Variants in KCNH6 observed in about 807,000 individuals in gnomAD.
KCNH6 encodes the protein potassium voltage-gated channel subfamily H member 6.
Under a neutral mutation model 83.4 loss-of-function variants are expected in KCNH6, and 81 were observed. That is an observed-to-expected ratio of 0.97 (90% CI 0.81 to 1.17). The LOEUF (loss-of-function observed/expected upper bound fraction) is 1.17. KCNH6 is among the 50% of genes most tolerant of loss of function. The pLI is 0.00. For missense variants in KCNH6, 1,203 were observed against 1,290.5 expected (o/e 0.93, Z 1.04); for synonymous variants, 503 against 545.6 (o/e 0.92, Z 1.09).
chr17:63,540,210 G>A (rs1354170310), intron 8 of KCNH6, among the ~76,000 whole-genome samples: 1 of 152,046 alleles, frequency 6.6e-6, no homozygotes, highest in Non-Finnish European at 1.5e-5. Context: ...CGAGGTGGGT[G>A]ATCACAAGGT....
chr17:63,527,532 A>C (rs1251880724), intron 2 of KCNH6, among the ~76,000 whole-genome samples: 1 of 152,090 alleles, frequency 6.6e-6, no homozygotes, highest in Non-Finnish European at 1.5e-5. Context: ...AAAAGTAAGA[A>C]CCTAGCATAT....
intron 9 of KCNH6, among the ~76,000 whole-genome samples, chr17:63,543,213 G>A (rs1352376510): frequency 6.6e-6 from 1 of 152,142 alleles, no homozygotes; most frequent in Non-Finnish European, 1.5e-5. Context: ...AGCTTCCTGA[G>A]CATAGAGCTG....
At chr17:63,531,848 T>C (rs759401849) in intron 4 of KCNH6, among the ~76,000 whole-genome samples, 2 of 152,170 alleles carry the variant, frequency 1.3e-5, no homozygotes, top group African/African-American at 2.4e-5. Flanking sequence ...TACCCGTTTG[T>C]TCCTCAGCTT....
chr17:63,545,069 G>C lies in KCNH6; in HGVS notation c.2397-9G>C. 6.2e-7 allele frequency: 1 copy of C among 1,611,540 alleles called. No homozygotes were observed. Among genetic ancestry groups the C allele is most frequent in the Non-Finnish European group, 8.5e-7 (1 of 1,179,946 alleles). Reference sequence around the variant, plus strand: ...GCCCTGACCCTGACTGTGGGGTTCTGTCTGGCAGGCTGGAGTCCCGCGTGT... The same window carrying C: ...GCCCTGACCCTGACTGTGGGGTTCTCTCTGGCAGGCTGGAGTCCCGCGTGT... On this transcript the variant is annotated splice_polypyrimidine_tract_variant and intron_variant, in intron 11 of 12. Coordinates refer to ENST00000314672, the MANE Select transcript of KCNH6 (RefSeq NM_001278919.2).
chr17:63,545,881 T>C lies in KCNH6; in HGVS notation c.2856T>C (p.Phe952=). 6.2e-7 allele frequency: 1 copy of C among 1,613,920 alleles called. No individual in the cohort carries two copies. Among genetic ancestry groups the C allele is most frequent in the Non-Finnish European group, 8.5e-7 (1 of 1,179,970 alleles). The change falls in exon 13 of 13, where the codon TTT becomes TTC. Residue 952 remains phenylalanine, a synonymous_variant. Transcript: ENST00000314672. ...DFQRHGSDPG[F]AGSWGH is the part of the protein sequence containing the mutation. ...AGAGACATGGCTCAGATCCTGGATT[T>C]GCAGGGAGTTGGGGCCACTGAACTC...
In KCNH6 at chr17:63,542,253, T is replaced by C. The variant is rs1286153302; in HGVS notation, c.1967T>C (p.Ile656Thr). The change falls in exon 9 of 13, where the codon ATC (isoleucine) becomes ACC (threonine). Residue 656 changes from isoleucine to threonine, a missense_variant. Physicochemically the swap from Ile to Thr is moderately conservative, Grantham distance 89 (BLOSUM62 -1). Transcript: ENST00000314672. ...VVVAILGKND[I>T]FGEPVSLHAQ... The stretch of plus-strand genomic sequence containing the variant: ...CTCTGGCTGGCAGGAAAGAATGACA[T>C]CTTTGGGGAACCCGTCAGCCTCCAT... The C allele has an allele frequency of 1.2e-6, 2 of 1,613,728 alleles. No homozygotes were observed.
Position 63,538,056 on chromosome 17 carries a change from C to T in KCNH6, c.1502-9C>T, listed in dbSNP as rs1218529222. 1.9e-6 allele frequency: 3 copies of T among 1,611,702 alleles called. No homozygotes were observed. The highest frequency in any genetic ancestry group is 1.3e-5 in the African/African-American group (1 of 75,004). On this transcript the variant is annotated splice_polypyrimidine_tract_variant and intron_variant, in intron 6 of 12. Transcript: ENST00000314672. This position sits in a 1 kb window ranked among gnomAD's most constrained non-coding sequence, Gnocchi z 4.0. ...CCGCGGAGGAGCTCACTCTCCGCCC[C>T]GCCCCCAGCCCTGATGTACGCCAGC...
Position 63,545,707 on chromosome 17 carries a change from A to G in KCNH6, c.2682A>G (p.Ala894=), listed in dbSNP as rs763160143. The change falls in exon 13 of 13, where the codon GCA becomes GCG. Residue 894 remains alanine, a synonymous_variant. Coordinates refer to ENST00000314672, the MANE Select transcript of KCNH6 (RefSeq NM_001278919.2). ...HLAVATDKTL[A]PSSEQEQPEG... ...CTGTGGCAACGGACAAAACTCTGGC[A>G]CCATCCTCAGAACAGGAACAGCCTG... 6.2e-7 allele frequency: 1 copy of G among 1,614,024 alleles called. No homozygotes were observed. The highest frequency in any genetic ancestry group is 8.5e-7 in the Non-Finnish European group (1 of 1,179,956).
chr17:63,545,920 C>G lies in KCNH6; in HGVS notation c.*18C>G. The G allele has an allele frequency of 1.2e-6, 2 of 1,609,920 alleles. No individual in the cohort carries two copies. Among genetic ancestry groups the G allele is most frequent in the Non-Finnish European group, 1.7e-6 (2 of 1,177,410 alleles). ...GCCACTGAACTCCAAGATAAAGACA[C>G]CATGAGGGGACTGAAGGTGGGCAAG... On this transcript the variant is annotated 3_prime_UTR_variant, in exon 13 of 13. Transcript: ENST00000314672.
In KCNH6 at chr17:63,538,373, G is replaced by T; in HGVS notation, c.1702-37G>T. On this transcript the variant is annotated intron_variant, in intron 7 of 12. Coordinates refer to ENST00000314672, the MANE Select transcript of KCNH6 (RefSeq NM_001278919.2). This position sits in a 1 kb window ranked among gnomAD's most constrained non-coding sequence, Gnocchi z 4.0. ...CCACCCTCTCCCCCAGCCCCACCCC[G>T]GCCGCGTCCCGCTGGACTTGGCCGC... The T allele has an allele frequency of 6.3e-7, 1 of 1,588,170 alleles. No individual in the cohort carries two copies. The highest frequency in any genetic ancestry group is 8.6e-7 in the Non-Finnish European group (1 of 1,167,762).
chr17:63,536,123 A>T, intron 6 of KCNH6, 55 bp downstream of exon 6: 1 of 1,498,042 alleles, frequency 6.7e-7, no homozygotes, highest in African/African-American at 1.4e-5. Flanking sequence ...TACCCGTGAA[A>T]TTTTATGTGT....
intron 12 of KCNH6, 49 bp downstream of exon 12, chr17:63,545,313 C>T (rs748953655): frequency 5.1e-6 from 8 of 1,573,860 alleles, no homozygotes; most frequent in Non-Finnish European, 7.0e-6. Flanking sequence ...CAGCTGCATG[C>T]CTTCCCTACC....
Position 63,533,876 on chromosome 17 carries a change from C to G in KCNH6, c.676-10C>G. On this transcript the variant is annotated splice_polypyrimidine_tract_variant and intron_variant, in intron 4 of 12. Coordinates refer to ENST00000314672, the MANE Select transcript of KCNH6 (RefSeq NM_001278919.2). This position sits in a 1 kb window ranked among gnomAD's most constrained non-coding sequence, Gnocchi z 4.1. ...CCCCGTGCCTGACCTCCCTCGGCCC[C>G]CACCCCCAGGTCCTGTCCCTGGGCG... The G allele has an allele frequency of 6.2e-7, 1 of 1,608,472 alleles. No individual in the cohort carries two copies. Among genetic ancestry groups the G allele is most frequent in the African/African-American group, 1.3e-5 (1 of 74,958 alleles).
Position 63,545,942 on chromosome 17 carries a change from CA to C in KCNH6, c.*42del, listed in dbSNP as rs2033127827. On this transcript the variant is annotated 3_prime_UTR_variant, in exon 13 of 13. Coordinates refer to ENST00000314672, the MANE Select transcript of KCNH6 (RefSeq NM_001278919.2). ...ACACCATGAGGGGACTGAAGGTGGG[CA>C]AGGTGAGAGTTAAGGATCTTGGGGA... 11 of 1,592,058 alleles carry C rather than the reference CA, an allele frequency of 6.9e-6. 1 individual carries two copies. The highest frequency in any genetic ancestry group is 1.7e-5 in the Admixed American group (1 of 59,270).
In KCNH6 at chr17:63,533,737, C is replaced by A; in HGVS notation, c.676-149C>A. The A allele has an allele frequency of 1.5e-6, 1 of 648,688 alleles. No individual in the cohort carries two copies. Among genetic ancestry groups the A allele is most frequent in the Non-Finnish European group, 2.7e-6 (1 of 375,914 alleles). The allele number at this position is 648,688 out of a possible 1,614,324, so 40.2% of individuals were successfully genotyped here. A position where few individuals can be genotyped will look rare whatever the true frequency, so the allele number is the denominator to read the frequency against. ...AGGAACTTGCCTTCTCAGACACCCC[C>A]CACCCCATCTCTCCCTCATCCCCTC... On this transcript the variant is annotated intron_variant, in intron 4 of 12. Transcript: ENST00000314672. The surrounding 1 kb of genome is among the most constrained non-coding windows in gnomAD (Gnocchi z 4.1).
rs372249792 is a variant in KCNH6 at position 63,544,395 on chromosome 17, C to T, written c.2380C>T (p.Gln794Ter). The T allele has an allele frequency of 6.3e-7, 1 of 1,586,144 alleles. No homozygotes were observed. Among genetic ancestry groups the T allele is most frequent in the Non-Finnish European group, 8.6e-7 (1 of 1,167,486 alleles). ...GCTGGGCTCCAGGCTAGAGCAGCTCCAGGCCCAGATGAACAGGTGTGTGTG... is the reference window on the plus strand; with the variant it reads ...GCTGGGCTCCAGGCTAGAGCAGCTCTAGGCCCAGATGAACAGGTGTGTGTG... ...LKLGSRLEQL[Q>*]AQMNRLESRV... is the part of the protein sequence containing the mutation. The change falls in exon 11 of 13, where the codon CAG becomes TAG. Residue 794 changes from glutamine (Q) to a stop codon, truncating the protein, a stop_gained. Transcript: ENST00000314672. LOFTEE classifies it high-confidence loss of function.
At chr17:63,526,523 A>G (rs1019129461) in intron 2 of KCNH6, among the ~76,000 whole-genome samples, 6 of 151,394 alleles carry the variant, frequency 4.0e-5, no homozygotes, top group Non-Finnish European at 8.8e-5. Flanking sequence ...CACCCGACTA[A>G]TTTTTTAATT....
chr17:63,534,026 C>A lies in KCNH6; in HGVS notation c.816C>A (p.Val272=). ...TGCTGCTGGTCATCTACACGGCTGT[C>A]TTCACGCCCTACTCAGCCGCCTTCC... ...LILLLVIYTA[V]FTPYSAAFLL... The change falls in exon 5 of 13, where the codon GTC becomes GTA. Residue 272 remains valine, a synonymous_variant. Transcript: ENST00000314672. The surrounding 1 kb of genome is among the most constrained non-coding windows in gnomAD (Gnocchi z 5.0). 2 of 1,614,208 alleles carry A rather than the reference C, an allele frequency of 1.2e-6. No homozygotes were observed. The highest frequency in any genetic ancestry group is 1.7e-6 in the Non-Finnish European group (2 of 1,180,026).
chr17:63,536,082 C>G lies in KCNH6; in HGVS notation c.1501+14C>G. The G allele has an allele frequency of 6.2e-7, 1 of 1,608,926 alleles. No homozygotes were observed. The highest frequency in any genetic ancestry group is 8.5e-7 in the Non-Finnish European group (1 of 1,176,972). ...TGCTCATCGGCTGTGAGTGAGACCT[C>G]ATGCCACGGCCTAACTTCATGCTCT... is the stretch of plus-strand genomic sequence containing the variant. On this transcript the variant is annotated intron_variant, in intron 6 of 12. Transcript: ENST00000314672.
Sources: allele counts gnomAD v4.1 joint callset (sites outside exome capture counted in the v4.1 genomes callset), GRCh38; gene constraint gnomAD v4.1.1; non-coding constraint Gnocchi (gnomAD v3.1); transcripts MANE v1.5; gene names NCBI Gene and HGNC (gene_info 2026-07-23, HGNC 2026-07-21).